The following AKT3 variants were observed in gnomAD, a reference collection of about 807,000 sequenced individuals.
The protein encoded by AKT3 is RAC-gamma serine/threonine-protein kinase.
In AKT3, 15 loss-of-function variants were observed where a neutral mutation model predicts 65.3. The observed-to-expected ratio is 0.23, with a 90% CI of 0.15 to 0.35. The LOEUF is 0.35. AKT3 is among the 10% of genes least tolerant of loss of function. The pLI, the probability that AKT3 is intolerant of heterozygous loss-of-function variation, is 1.00. For synonymous variants in AKT3, 206 were observed against 183.8 expected (o/e 1.12, Z -0.98); for missense variants, 243 against 576.5 (o/e 0.42, Z 5.92).
At chr1:243,560,113 T>C (rs1026588309) in intron 10 of AKT3, among the ~76,000 whole-genome samples, 4 of 152,130 alleles carry the variant, frequency 2.6e-5, no homozygotes, top group Non-Finnish European at 1.5e-5. Context: ...CTGCTTCCCC[T>C]TTTCCACTGC....
At chr1:243,536,456 AATAT>A (rs1345832275) in intron 12 of AKT3, among the ~76,000 whole-genome samples, 15 of 152,162 alleles carry the variant, frequency 9.9e-5, no homozygotes, top group African/African-American at 3.1e-4. Context: ...GGTGCAAATA[AATAT>A]GTTTCTCATT....
intron 2 of AKT3, among the ~76,000 whole-genome samples, chr1:243,698,830 T>C (rs895822062): frequency 1.3e-5 from 2 of 152,046 alleles, no homozygotes; most frequent in Non-Finnish European, 2.9e-5. Context: ...TATTTTCTTG[T>C]CATTTTTCAC....
At chr1:243,523,839 C>T (rs1163287298) in intron 12 of AKT3, among the ~76,000 whole-genome samples, 1 of 152,260 alleles carries the variant, frequency 6.6e-6, no homozygotes, top group African/African-American at 2.4e-5. Flanking sequence ...CGTTTGAAGA[C>T]AGGGACTTTA....
chr1:243,705,701 T>C (rs1459206456), intron 2 of AKT3, among the ~76,000 whole-genome samples: 3 of 152,170 alleles, frequency 2.0e-5, no homozygotes, highest in Non-Finnish European at 4.4e-5. Flanking sequence ...GGCAATTTAA[T>C]GAAGAATAAA....
chr1:243,561,965 T>G (rs1673816757), intron 10 of AKT3, among the ~76,000 whole-genome samples: 1 of 152,106 alleles, frequency 6.6e-6, no homozygotes. Flanking sequence ...AGTAAGGGTA[T>G]GACAGAAATG....
chr1:243,764,854 A>G (rs1258764479), intron 2 of AKT3, among the ~76,000 whole-genome samples: 2 of 152,160 alleles, frequency 1.3e-5, no homozygotes, highest in Non-Finnish European at 2.9e-5. Context: ...CATCAGTCAG[A>G]TTACTAGCTG....
chr1:243,701,984 T>A (rs1320727664), intron 2 of AKT3, among the ~76,000 whole-genome samples: 22 of 152,058 alleles, frequency 1.4e-4, no homozygotes, highest in Admixed American at 1.4e-3. Flanking sequence ...TGATTATTTG[T>A]CCTTATACAT....
chr1:243,835,605 C>T (rs1694846438), intron 2 of AKT3, among the ~76,000 whole-genome samples: 1 of 152,038 alleles, frequency 6.6e-6, no homozygotes, highest in Admixed American at 6.6e-5. Flanking sequence ...TCGGTCCCCA[C>T]CAAGAAATTT....
chr1:243,633,466 G>T (rs1371615472), intron 6 of AKT3, among the ~76,000 whole-genome samples: 1 of 152,108 alleles, frequency 6.6e-6, no homozygotes, highest in Non-Finnish European at 1.5e-5. Context: ...GACACACAAT[G>T]CATAAAGATG....
At chr1:243,607,003 AG>A (rs555601776) in intron 8 of AKT3, among the ~76,000 whole-genome samples, 104 of 152,384 alleles carry the variant, frequency 6.8e-4, no homozygotes, top group African/African-American at 2.4e-3. Context: ...GCAGAAGACA[AG>A]AATTAAGGTT....
chr1:243,734,356 T>G (rs1327254467), intron 2 of AKT3, among the ~76,000 whole-genome samples: 1 of 152,206 alleles, frequency 6.6e-6, no homozygotes, highest in African/African-American at 2.4e-5. Context: ...ATGCATTGCT[T>G]AATGATGGGG....
At chr1:243,524,481 G>T (rs955063742) in intron 12 of AKT3, among the ~76,000 whole-genome samples, 2 of 152,206 alleles carry the variant, frequency 1.3e-5, no homozygotes, top group African/African-American at 2.4e-5. Flanking sequence ...AAAGAGGTCT[G>T]AATTTGTTAC....
intron 13 of AKT3, among the ~76,000 whole-genome samples, chr1:243,506,258 C>T (rs775979819): frequency 5.9e-5 from 9 of 152,232 alleles, no homozygotes; most frequent in Non-Finnish European, 1.3e-4. Flanking sequence ...CATTTTAAAT[C>T]CCCCGTGCTT....
At chr1:243,792,294 CA>C (rs1691680102) in intron 2 of AKT3, among the ~76,000 whole-genome samples, 1 of 18,052 alleles carries the variant, frequency 5.5e-5, no homozygotes, top group African/African-American at 2.5e-4. Flanking sequence ...TGTGGGGAAA[CA>C]ATTTATTCAC....
At chr1:243,564,123 A>C (rs1348030141) in intron 9 of AKT3, among the ~76,000 whole-genome samples, 2 of 152,224 alleles carry the variant, frequency 1.3e-5, no homozygotes, top group Admixed American at 6.5e-5. Flanking sequence ...TCTGAAATTA[A>C]AGCCTAATCA....
chr1:243,808,835 G>C (rs143117779), intron 2 of AKT3, among the ~76,000 whole-genome samples: 1 of 152,104 alleles, frequency 6.6e-6, no homozygotes, highest in Non-Finnish European at 1.5e-5. Flanking sequence ...CTGATCTCTC[G>C]GCAGAAACTC....
At chr1:243,758,656 T>C (rs989087547) in intron 2 of AKT3, among the ~76,000 whole-genome samples, 2 of 152,192 alleles carry the variant, frequency 1.3e-5, no homozygotes, top group African/African-American at 4.8e-5. Flanking sequence ...ACTCAGATCA[T>C]CAGGCATTAG....
chr1:243,546,155 A>C (rs1453112170), intron 11 of AKT3, among the ~76,000 whole-genome samples: 1 of 152,206 alleles, frequency 6.6e-6, no homozygotes, highest in Non-Finnish European at 1.5e-5. Context: ...ATTCCCCTGC[A>C]CATGCCCTTG....
chr1:243,514,011 G>GT (rs999278690), intron 12 of AKT3, among the ~76,000 whole-genome samples: 20 of 151,984 alleles, frequency 1.3e-4, no homozygotes, highest in Non-Finnish European at 2.2e-4. Flanking sequence ...GAACAATTTT[G>GT]TTTTTTTTAT....
Sources: allele counts gnomAD v4.1 joint callset (sites outside exome capture counted in the v4.1 genomes callset), GRCh38; gene constraint gnomAD v4.1.1; transcripts MANE v1.5; gene names NCBI Gene and HGNC (gene_info 2026-07-23, HGNC 2026-07-21).